FAR2: variants seen among roughly 807,000 people sequenced by gnomAD.
The protein encoded by FAR2 is epididymis secretory protein Li 81.
A neutral mutation model predicts 56.0 loss-of-function variants in FAR2; 19 were observed. The observed-to-expected ratio is 0.34, with a 90% CI of 0.24 to 0.50. The LOEUF is 0.50. FAR2 is among the 20% of genes least tolerant of loss of function. The pLI, the probability that FAR2 is intolerant of heterozygous loss-of-function variation, is 0.98. For synonymous variants in FAR2, 219 were observed against 218.8 expected, an observed-to-expected ratio of 1.00 and a Z score of -0.01; for missense variants, 508 against 642.2, an observed-to-expected ratio of 0.79 and a Z score of 2.26.
chr12:29,214,816 A>G (rs1947600938), intron 1 of FAR2, among the ~76,000 whole-genome samples: 1 of 151,060 alleles, frequency 6.6e-6, no homozygotes, highest in African/African-American at 2.5e-5. Flanking sequence ...GAGAAACTCC[A>G]TCTGAAAATA....
At chr12:29,150,558 A>T (rs1338992104) in intron 1 of FAR2, among the ~76,000 whole-genome samples, 2 of 152,188 alleles carry the variant, frequency 1.3e-5, no homozygotes, top group Non-Finnish European at 2.9e-5. Context: ...GATTTGACTG[A>T]CAGGTGTAGT....
chr12:29,193,589 T>C (rs1950120405), intron 1 of FAR2, among the ~76,000 whole-genome samples: 1 of 152,212 alleles, frequency 6.6e-6, no homozygotes, highest in African/African-American at 2.4e-5. Flanking sequence ...TCATTTCCAT[T>C]TAGCCCTGAA....
At chr12:29,297,363 G>C (rs963692575) in intron 4 of FAR2, among the ~76,000 whole-genome samples, 163 bp downstream of exon 4, 3 of 152,126 alleles carry the variant, frequency 2.0e-5, no homozygotes, top group African/African-American at 7.2e-5. Flanking sequence ...TAGTTCTGGT[G>C]GGGAATATAC....
chr12:29,280,764 C>T (rs1948772735), intron 2 of FAR2: 1 of 152,236 alleles, frequency 6.6e-6, no homozygotes, highest in Non-Finnish European at 1.5e-5. Flanking sequence ...AAAAAACTGT[C>T]AGTGGGGTAA....
At chr12:29,281,454 C>G (rs1948781937) in intron 2 of FAR2, 1 of 152,102 alleles carries the variant, frequency 6.6e-6, no homozygotes, top group African/African-American at 2.4e-5. Flanking sequence ...CTGGAAAGTT[C>G]TTCCTTATTT....
chr12:29,247,057 T>C (rs1948140122), intron 1 of FAR2, among the ~76,000 whole-genome samples: 1 of 152,186 alleles, frequency 6.6e-6, no homozygotes, highest in African/African-American at 2.4e-5. Context: ...AATCATGTAT[T>C]TACATTTACT....
At chr12:29,283,683 G>C (rs748038141) in intron 2 of FAR2, among the ~76,000 whole-genome samples, 1 of 152,106 alleles carries the variant, frequency 6.6e-6, no homozygotes, top group Non-Finnish European at 1.5e-5. Context: ...CATAAAATCT[G>C]AGGAGCTGCT....
At chr12:29,163,812 G>A (rs1035832239) in intron 1 of FAR2, among the ~76,000 whole-genome samples, 2 of 152,164 alleles carry the variant, frequency 1.3e-5, no homozygotes, top group Non-Finnish European at 2.9e-5. Context: ...ATTTCAGTGT[G>A]GTAGAGAGGC....
intron 1 of FAR2, among the ~76,000 whole-genome samples, chr12:29,261,333 C>G (rs1359995396): frequency 6.6e-6 from 1 of 151,916 alleles, no homozygotes; most frequent in Non-Finnish European, 1.5e-5. Context: ...GTTGATCCAG[C>G]AGAAGAAAGA....
At chr12:29,199,792 AG>A (rs758481819) in intron 1 of FAR2, among the ~76,000 whole-genome samples, 2 of 152,152 alleles carry the variant, frequency 1.3e-5, no homozygotes, top group Non-Finnish European at 2.9e-5. Flanking sequence ...CAGACTTTAT[AG>A]ATTGATCTTA....
At chr12:29,160,393 G>A (rs930948750) in intron 1 of FAR2, among the ~76,000 whole-genome samples, 5 of 152,214 alleles carry the variant, frequency 3.3e-5, no homozygotes, top group African/African-American at 1.2e-4. Flanking sequence ...TGTATGAGAT[G>A]CTAATTGAGG....
At chr12:29,240,779 TTG>T (rs1332908742) in intron 1 of FAR2, among the ~76,000 whole-genome samples, 1 of 149,788 alleles carries the variant, frequency 6.7e-6, no homozygotes, top group Non-Finnish European at 1.5e-5. Context: ...AGGAATGTCA[TTG>T]TGTGTGTGTG....
chr12:29,332,916 T>C, intron 11 of FAR2, 189 bp downstream of exon 11: 1 of 670,176 alleles, frequency 1.5e-6, no homozygotes, highest in South Asian at 1.5e-5. Flanking sequence ...GAGGCAAGTA[T>C]TACTTTTGTT....
chr12:29,178,809 G>T (rs7297280), intron 1 of FAR2, among the ~76,000 whole-genome samples: 1 of 152,056 alleles, frequency 6.6e-6, no homozygotes, highest in Non-Finnish European at 1.5e-5. Context: ...TGAATGTTCT[G>T]TCTTAATTTC....
chr12:29,234,222 T>C (rs1417868094), intron 1 of FAR2, among the ~76,000 whole-genome samples: 1 of 152,198 alleles, frequency 6.6e-6, no homozygotes, highest in Non-Finnish European at 1.5e-5. Context: ...TTGGAATATC[T>C]AGTTGCTTTA....
chr12:29,332,505 G>C (rs1243633631), intron 10 of FAR2, 95 bp from the exon 11 acceptor site: 1 of 1,545,056 alleles, frequency 6.5e-7, no homozygotes, highest in Non-Finnish European at 8.7e-7. Flanking sequence ...CTCCCAAATT[G>C]AAGGTCACTC....
intron 1 of FAR2, among the ~76,000 whole-genome samples, chr12:29,202,407 T>C (rs530794375): frequency 1.4e-4 from 22 of 152,350 alleles, no homozygotes; most frequent in African/African-American, 4.6e-4. Context: ...TGGACATTTA[T>C]TTAACAGATC....
intron 1 of FAR2, among the ~76,000 whole-genome samples, chr12:29,257,559 G>T (rs561081044): frequency 1.3e-5 from 2 of 152,104 alleles, no homozygotes; most frequent in Non-Finnish European, 2.9e-5. Context: ...TCACTCTTTG[G>T]GTCCACACTG....
intron 4 of FAR2, among the ~76,000 whole-genome samples, chr12:29,297,414 G>A (rs1366765600): frequency 6.6e-6 from 1 of 152,202 alleles, no homozygotes; most frequent in East Asian, 1.9e-4. Flanking sequence ...TAAACATTTT[G>A]TGGAATTGCG....
Sources: allele counts gnomAD v4.1 joint callset (sites outside exome capture counted in the v4.1 genomes callset), GRCh38; gene constraint gnomAD v4.1.1; transcripts MANE v1.5; gene names NCBI Gene and HGNC (gene_info 2026-07-23, HGNC 2026-07-21).